CTNND2: variants seen among roughly 807,000 people sequenced by gnomAD.
The protein encoded by CTNND2 is catenin delta-2.
In CTNND2, 22 loss-of-function variants were observed where a neutral mutation model predicts 144.4. That is an observed-to-expected ratio of 0.15 (90% confidence interval 0.11 to 0.22). CTNND2 has a LOEUF of 0.22. Among genes scored for constraint, CTNND2 ranks in the 10% least tolerant of loss-of-function variants. The pLI is 1.00. For synonymous variants in CTNND2, 751 were observed against 695.6 expected, an observed-to-expected ratio of 1.08 and a Z score of -1.25; for missense variants, 1,353 against 1,618.8, an observed-to-expected ratio of 0.84 and a Z score of 2.82.
chr5:11,097,745 T>C (rs572565715), intron 15 of CTNND2, among the ~76,000 whole-genome samples: 42 of 152,198 alleles, frequency 2.8e-4, no homozygotes, highest in African/African-American at 9.4e-4. Flanking sequence ...TGAAAATAAA[T>C]GTAAAGGAAA....
intron 3 of CTNND2, among the ~76,000 whole-genome samples, chr5:11,446,100 T>C (rs747360194): frequency 3.3e-5 from 5 of 152,180 alleles, no homozygotes; most frequent in Non-Finnish European, 5.9e-5. Context: ...GCCCCCTGAA[T>C]AGTTGGGACC....
chr5:11,313,941 C>T (rs1285069712), intron 9 of CTNND2, among the ~76,000 whole-genome samples: 1 of 152,032 alleles, frequency 6.6e-6, no homozygotes, highest in East Asian at 1.9e-4. Flanking sequence ...ACAACCAGAT[C>T]TCGTGAGAAC....
At chr5:11,560,265 G>C (rs779362903) in intron 3 of CTNND2, among the ~76,000 whole-genome samples, 1 of 152,114 alleles carries the variant, frequency 6.6e-6, no homozygotes, top group Non-Finnish European at 1.5e-5. Context: ...TAAGAGTTAT[G>C]TGTCATTTAG....
chr5:11,171,813 G>A (rs962178824), intron 11 of CTNND2, among the ~76,000 whole-genome samples: 1 of 152,156 alleles, frequency 6.6e-6, no homozygotes, highest in East Asian at 1.9e-4. Context: ...CCTGAAGAAC[G>A]AGCAGAATTA....
chr5:11,677,167 A>G (rs1188301463), intron 2 of CTNND2, among the ~76,000 whole-genome samples: 1 of 152,212 alleles, frequency 6.6e-6, no homozygotes, highest in Non-Finnish European at 1.5e-5. Flanking sequence ...TATTCTTGCA[A>G]TAAATAGCTG....
chr5:10,981,606 CAG>C (rs1491142211), intron 21 of CTNND2, among the ~76,000 whole-genome samples, 165 bp downstream of exon 21: 98 of 151,476 alleles, frequency 6.5e-4, no homozygotes, highest in African/African-American at 1.8e-3. Context: ...CACACACACA[CAG>C]AGACACACAC....
rs541390332 is a variant in CTNND2, at chr5:11,701,962, A to T, written c.174+30174T>A. ...TCCCACTGTGTCTATAAACTCAGCC[A>T]CATAACTCATCATGGGAAGCAGGAC... On this transcript the variant is annotated intron_variant, in intron 2 of 21. Transcript: ENST00000304623. Among the ~76,000 whole-genome samples, 6 of 152,318 alleles carry T rather than the reference A, an allele frequency of 3.9e-5. No individual in the cohort carries two copies. The South Asian group carries it at 1.2e-3, about 32-fold the overall frequency.
intron 1 of CTNND2, among the ~76,000 whole-genome samples, chr5:11,894,776 T>C (rs909252420): frequency 6.6e-6 from 1 of 152,166 alleles, no homozygotes; most frequent in East Asian, 1.9e-4. Flanking sequence ...ACGATTTAGA[T>C]CCCAGAACTT....
At chr5:11,790,335 T>C (rs1791067051) in intron 1 of CTNND2, among the ~76,000 whole-genome samples, 1 of 152,192 alleles carries the variant, frequency 6.6e-6, no homozygotes, top group Non-Finnish European at 1.5e-5. Context: ...TTGCTGTTCA[T>C]TAGAAAAACA....
At chr5:11,293,597 A>G (rs1489941884) in intron 9 of CTNND2, among the ~76,000 whole-genome samples, 1 of 151,916 alleles carries the variant, frequency 6.6e-6, no homozygotes. Context: ...AACAAAAATT[A>G]CATTCTAAAA....
At chr5:11,490,255 C>T (rs1769266308) in intron 3 of CTNND2, among the ~76,000 whole-genome samples, 1 of 152,048 alleles carries the variant, frequency 6.6e-6, no homozygotes, top group Non-Finnish European at 1.5e-5. Context: ...GTCAAAGAAT[C>T]AGAAAATGGT....
At chr5:11,713,683 A>ATAAGATAT (rs1786172160) in intron 2 of CTNND2, among the ~76,000 whole-genome samples, 1 of 152,010 alleles carries the variant, frequency 6.6e-6, no homozygotes, top group Non-Finnish European at 1.5e-5. Context: ...TTCTGCAACA[A>ATAAGATAT]CCTGGATATC....
At chr5:11,118,902 C>G (rs1389050626) in intron 12 of CTNND2, among the ~76,000 whole-genome samples, 1 of 152,138 alleles carries the variant, frequency 6.6e-6, no homozygotes, top group Non-Finnish European at 1.5e-5. Flanking sequence ...TACTGGAGAT[C>G]AAACCCAGAG....
chr5:11,027,371 C>T (rs1742963884), intron 16 of CTNND2: 1 of 152,178 alleles, frequency 6.6e-6, no homozygotes, highest in South Asian at 2.1e-4. Flanking sequence ...GACTGTACCA[C>T]CACCACTACC....
intron 2 of CTNND2, among the ~76,000 whole-genome samples, chr5:11,632,778 C>T (rs1232160253): frequency 6.6e-6 from 1 of 151,950 alleles, no homozygotes. Context: ...TCACCAAATA[C>T]AGGATGTTAA....
At chr5:11,880,974 CACT>C (rs1736063074) in intron 1 of CTNND2, among the ~76,000 whole-genome samples, 1 of 136,300 alleles carries the variant, frequency 7.3e-6, no homozygotes, top group South Asian at 2.3e-4. Context: ...CTACTACTAC[CACT>C]ACCACTACTA....
At chr5:11,166,671 C>T (rs554555061) in intron 11 of CTNND2, among the ~76,000 whole-genome samples, 1 of 152,198 alleles carries the variant, frequency 6.6e-6, no homozygotes, top group Admixed American at 6.5e-5. Context: ...CACTTTGAGT[C>T]CCTAGTGTGT....
At chr5:11,829,277 C>A (rs1041847757) in intron 1 of CTNND2, among the ~76,000 whole-genome samples, 1 of 152,188 alleles carries the variant, frequency 6.6e-6, no homozygotes, top group Admixed American at 6.5e-5. Flanking sequence ...AAGTAATGAA[C>A]AGCCAAATGT....
intron 1 of CTNND2, among the ~76,000 whole-genome samples, chr5:11,825,496 A>G (rs919109717): frequency 6.6e-6 from 1 of 152,190 alleles, no homozygotes; most frequent in African/African-American, 2.4e-5. Flanking sequence ...GACTCCCAGA[A>G]GAAGAGGAAA....
Sources: gnomAD v4.1 joint callset for allele counts (sites outside exome capture counted in the v4.1 genomes callset) on GRCh38, gnomAD v4.1.1 for gene constraint, MANE v1.5 for transcripts, NCBI Gene and HGNC (gene_info 2026-07-23, HGNC 2026-07-21) for gene names.